Variants in TECRL observed in about 807,000 individuals in gnomAD.
TECRL encodes trans-2,3-enoyl-CoA reductase-like.
In TECRL, 63 loss-of-function variants were observed where a neutral mutation model predicts 52.8. The ratio of observed to expected loss-of-function variants is 1.19; its 90% CI spans 0.97 to 1.47. TECRL has a LOEUF of 1.47. TECRL is among the 40% of genes most tolerant of loss of function. The pLI is 0.00. For missense variants in TECRL, 482 were observed against 429.6 expected (o/e 1.12, Z -1.08); for synonymous variants, 164 against 141.9 (o/e 1.16, Z -1.10).
At chr4:64,335,803 T>C (rs912304053) in intron 2 of TECRL, among the ~76,000 whole-genome samples, 1 of 151,166 alleles carries the variant, frequency 6.6e-6, no homozygotes, top group African/African-American at 2.4e-5. Context: ...AAATGCTGCT[T>C]CAAAAATATT....
At chr4:64,404,077 T>C (rs1376236578) in intron 1 of TECRL, among the ~76,000 whole-genome samples, 1 of 152,032 alleles carries the variant, frequency 6.6e-6, no homozygotes, top group Non-Finnish European at 1.5e-5. Context: ...AAAGGTATAA[T>C]TTGTATGCAC....
At chr4:64,316,883 G>A (rs1717532480) in intron 4 of TECRL, among the ~76,000 whole-genome samples, 1 of 152,052 alleles carries the variant, frequency 6.6e-6, no homozygotes, top group Non-Finnish European at 1.5e-5. Flanking sequence ...CTAATCTTCT[G>A]TTTTGAATAC....
intron 2 of TECRL, among the ~76,000 whole-genome samples, chr4:64,344,857 C>T (rs1040902837): frequency 3.9e-5 from 6 of 152,166 alleles, no homozygotes; most frequent in Non-Finnish European, 8.8e-5. Context: ...TATTATTTCA[C>T]ACACCAGGCC....
intron 4 of TECRL, among the ~76,000 whole-genome samples, chr4:64,317,054 G>A (rs1211003238): frequency 4.6e-5 from 7 of 152,060 alleles, no homozygotes; most frequent in African/African-American, 7.2e-5. Flanking sequence ...CGAGGCGGGC[G>A]GATGACAAGG....
intron 2 of TECRL, among the ~76,000 whole-genome samples, chr4:64,357,947 T>C (rs572665533): frequency 1.3e-3 from 193 of 151,856 alleles, no homozygotes; most frequent in African/African-American, 4.4e-3. Context: ...ACCATGAACA[T>C]GTGATTTCTA....
intron 2 of TECRL, among the ~76,000 whole-genome samples, chr4:64,355,625 A>C (rs11937862): frequency 0.66 from 99,875 of 150,760 alleles, 34,478 homozygotes; most frequent in Non-Finnish European, 0.76. Context: ...AGTGAAACCG[A>C]GTCTCTACTA....
chr4:64,369,609 A>T (rs1411878833), intron 2 of TECRL, among the ~76,000 whole-genome samples: 1 of 152,012 alleles, frequency 6.6e-6, no homozygotes, highest in East Asian at 1.9e-4. Context: ...AGTACAGGGT[A>T]CAGAGTCACA....
chr4:64,307,165 G>T (rs1263988731), intron 6 of TECRL, among the ~76,000 whole-genome samples: 1 of 152,142 alleles, frequency 6.6e-6, no homozygotes, highest in Admixed American at 6.6e-5. Flanking sequence ...ATCTGGCTCT[G>T]TCCATTACCT....
At chr4:64,377,779 C>G (rs1490461484) in intron 1 of TECRL, among the ~76,000 whole-genome samples, 1 of 151,870 alleles carries the variant, frequency 6.6e-6, no homozygotes, top group African/African-American at 2.4e-5. Context: ...TTGAATTTGC[C>G]CAATATGCAT....
intron 1 of TECRL, among the ~76,000 whole-genome samples, chr4:64,406,275 A>G (rs1000269698): frequency 3.3e-5 from 5 of 151,874 alleles, no homozygotes; most frequent in Non-Finnish European, 7.4e-5. Context: ...TTTTGAGTCT[A>G]TACTTTGTCC....
chr4:64,335,800 G>A (rs1453265301), intron 2 of TECRL, among the ~76,000 whole-genome samples: 1 of 151,060 alleles, frequency 6.6e-6, no homozygotes, highest in Non-Finnish European at 1.5e-5. Context: ...ATTAAATGCT[G>A]CTTCAAAAAT....
chr4:64,350,723 G>A (rs567138800), intron 2 of TECRL, among the ~76,000 whole-genome samples: 4 of 151,812 alleles, frequency 2.6e-5, no homozygotes, highest in East Asian at 2.0e-4. Context: ...CTTTTAACTC[G>A]AACAGCAATT....
At chr4:64,394,475 T>A (rs1306172030) in intron 1 of TECRL, among the ~76,000 whole-genome samples, 2 of 152,164 alleles carry the variant, frequency 1.3e-5, no homozygotes, top group Non-Finnish European at 2.9e-5. Flanking sequence ...CAGCCAAAGG[T>A]ACTAGTCCTA....
At chr4:64,357,192 A>T (rs1341252101) in intron 2 of TECRL, among the ~76,000 whole-genome samples, 1 of 152,114 alleles carries the variant, frequency 6.6e-6, no homozygotes, top group Non-Finnish European at 1.5e-5. Context: ...AGAATAAATT[A>T]CCACATTTCA....
chr4:64,357,736 A>G (rs1577929214), intron 2 of TECRL, among the ~76,000 whole-genome samples: 1 of 151,502 alleles, frequency 6.6e-6, no homozygotes, highest in African/African-American at 2.4e-5. Context: ...TAAAAATTAG[A>G]TGAAAAATAA....
At chr4:64,384,662 T>C (rs1577972494) in intron 1 of TECRL, among the ~76,000 whole-genome samples, 1 of 152,042 alleles carries the variant, frequency 6.6e-6, no homozygotes, top group Admixed American at 6.6e-5. Flanking sequence ...GTAGGGGCAG[T>C]GCCAGTTTGT....
chr4:64,403,722 G>A (rs1186925538), intron 1 of TECRL, among the ~76,000 whole-genome samples: 2 of 151,134 alleles, frequency 1.3e-5, no homozygotes, highest in Admixed American at 1.3e-4. Flanking sequence ...ACTCCCATGT[G>A]CTTTTGATTA....
intron 1 of TECRL, among the ~76,000 whole-genome samples, chr4:64,395,703 T>C (rs984510048): frequency 6.6e-6 from 1 of 152,206 alleles, no homozygotes; most frequent in South Asian, 2.1e-4. Flanking sequence ...AGGGTACATG[T>C]GCAGGTTTGT....
At chr4:64,358,666 T>C (rs548478570) in intron 2 of TECRL, among the ~76,000 whole-genome samples, 1 of 151,706 alleles carries the variant, frequency 6.6e-6, no homozygotes, top group South Asian at 2.1e-4. Context: ...GCTATTATTA[T>C]CTTTCAAAAA....
Sources: gnomAD v4.1 joint callset for allele counts (sites outside exome capture counted in the v4.1 genomes callset) on GRCh38, gnomAD v4.1.1 for gene constraint, MANE v1.5 for transcripts, NCBI Gene and HGNC (gene_info 2026-07-23, HGNC 2026-07-21) for gene names.